CRACR2B: variants seen among roughly 807,000 people sequenced by gnomAD.
CRACR2B encodes the protein calcium release activated channel regulator 2B.
In CRACR2B, 50 loss-of-function variants were observed where a neutral mutation model predicts 46.0. The observed-to-expected ratio is 1.09, with a 90% CI of 0.87 to 1.38. The LOEUF (loss-of-function observed/expected upper bound fraction) is 1.38, where lower values mean the gene tolerates loss of function less well. CRACR2B is among the 40% of genes most tolerant of loss of function. The pLI is 0.00. For synonymous variants in CRACR2B, 277 were observed against 239.6 expected, an observed-to-expected ratio of 1.16 and a Z score of -1.44; for missense variants, 667 against 535.0, an observed-to-expected ratio of 1.25 and a Z score of -2.43.
Position 830,242 on chromosome 11 carries a change from C to T in CRACR2B, c.606-8C>T. The T allele has an allele frequency of 6.6e-7, 1 of 1,504,426 alleles. No homozygotes were observed. Among genetic ancestry groups the T allele is most frequent in the Non-Finnish European group, 8.9e-7 (1 of 1,124,118 alleles). The allele number at this position is 1,504,426 out of a possible 1,614,324, so 93.2% of individuals were successfully genotyped here. A position where few individuals can be genotyped will look rare whatever the true frequency, so the allele number is the denominator to read the frequency against. ...AGTTCTCATCCGGGGTCGCCCGGTC[C>T]CCCGAAGGCGCGAGAGCGAGCACGA... On this transcript the variant is annotated splice_polypyrimidine_tract_variant and splice_region_variant and intron_variant, in intron 4 of 8. Transcript: ENST00000525077.
At position 829,529 on chromosome 11, in the gene CRACR2B, G is replaced by C; in HGVS notation, c.447G>C (p.Pro149=). Residue 149 remains proline, a synonymous_variant, in exon 3 of 9, where the codon CCG becomes CCC. Transcript: ENST00000525077. ...TGCTGGAGCAGCTGGGGGTGGCCCC[G>C]GTCCTGGGCAAGTGAGTCGGCGCTG... ...HTVLEQLGVA[P]VLGKQRAVRT... 3 of 1,588,158 alleles carry C rather than the reference G, an allele frequency of 1.9e-6. No individual in the cohort carries two copies. Among genetic ancestry groups the C allele is most frequent in the Non-Finnish European group, 2.6e-6 (3 of 1,169,818 alleles).
rs1339082587 is a variant in CRACR2B, at chr11:830,086, G to C, written c.559G>C (p.Glu187Gln). 3.2e-6 allele frequency: 5 copies of C among 1,545,848 alleles called. No homozygotes were observed. Among genetic ancestry groups the C allele is most frequent in the Non-Finnish European group, 4.3e-6 (5 of 1,150,790 alleles). Residue 187 changes from glutamate to glutamine, a missense_variant, in exon 4 of 9, where the codon GAG becomes CAG. Coordinates refer to ENST00000525077, the MANE Select transcript of CRACR2B (RefSeq NM_001286606.2). Reference sequence around the variant, plus strand: ...TCTGATACGCGCGTCGGCCTGCCTGGAGGAGGCGGCCCGGGAGCGCGACGG... The same window carrying C: ...TCTGATACGCGCGTCGGCCTGCCTGCAGGAGGCGGCCCGGGAGCGCGACGG... ...DVLIRASACLEEAARERDGLE... is the reference protein window; with the variant it reads ...DVLIRASACLQEAARERDGLE...
rs768501860 is a variant in CRACR2B, at chr11:829,561, C to T, written c.458+21C>T. The T allele has an allele frequency of 2.6e-6, 4 of 1,539,640 alleles. No homozygotes were observed. In the Admixed American group the frequency reaches 8.8e-5, roughly 34 times the overall value. The stretch of plus-strand genomic sequence containing the variant: ...GGCAAGTGAGTCGGCGCTGGCCCCG[C>T]TCCCACTGCCCGCTCTGCTGTTTCT... On this transcript the variant is annotated intron_variant, in intron 3 of 8. Coordinates refer to ENST00000525077, the MANE Select transcript of CRACR2B (RefSeq NM_001286606.2).
chr11:828,635 G>T lies in CRACR2B; in HGVS notation c.28G>T (p.Asp10Tyr). Residue 10 changes from aspartate (D) to tyrosine (Y), a missense_variant, in exon 1 of 9, where the codon GAT becomes TAT. By Grantham distance (160) the Asp-to-Tyr change is radical. Transcript: ENST00000525077. MASPGKPGA[D>Y]EAQEEEGELE... ...GGCCAGCCCTGGAAAGCCTGGGGCT[G>T]ATGAGGCCCAGGAGGAGGAGGGGGA... The T allele has an allele frequency of 6.2e-7, 1 of 1,602,736 alleles. No homozygotes were observed.
At chr11:830,403 C>G in intron 5 of CRACR2B, 66 bp downstream of exon 5, 2 of 1,536,260 alleles carry the variant, frequency 1.3e-6, no homozygotes, top group African/African-American at 1.4e-5. Context: ...CTGGCTCCGC[C>G]TTCTCTGAAT....
At chr11:829,291 G>T in intron 2 of CRACR2B, 69 bp from the exon 3 acceptor site, 2 of 1,527,572 alleles carry the variant, frequency 1.3e-6, no homozygotes, top group Admixed American at 2.4e-5. Flanking sequence ...TACTCGTTGG[G>T]AGGGTGAACG....
At chr11:829,102 C>G (rs1259474963) in intron 2 of CRACR2B, 139 bp downstream of exon 2, 46 of 1,316,330 alleles carry the variant, frequency 3.5e-5, no homozygotes, top group Admixed American at 2.0e-5. Flanking sequence ...TGCACGCACT[C>G]GCGCCTGGGG....
At position 828,742 on chromosome 11, in the gene CRACR2B, T is replaced by C; in HGVS notation, c.135T>C (p.Ala45=). ...TGTTTCTGCTGTGTGACAAGGAGGCTAAGGGCTTCATCACCAAGCACGACC... is the reference window on the plus strand; with the variant it reads ...TGTTTCTGCTGTGTGACAAGGAGGCCAAGGGCTTCATCACCAAGCACGACC... ...EELFLLCDKE[A]KGFITKHDLQ... is the part of the protein sequence containing the mutation. The change falls in exon 1 of 9, where the codon GCT becomes GCC. Residue 45 remains alanine, a synonymous_variant. Transcript: ENST00000525077. 1.9e-6 allele frequency: 3 copies of C among 1,613,596 alleles called. No individual in the cohort carries two copies. The highest frequency in any genetic ancestry group is 2.5e-6 in the Non-Finnish European group (3 of 1,179,902).
At position 830,609 on chromosome 11, in the gene CRACR2B, C is replaced by G; in HGVS notation, c.694-12C>G. ...GGCCGGCGGAGGCTCAGTGGTCCTC[C>G]GTGCGTCCCAGAACTTCGCCCGCGG... is the stretch of plus-strand genomic sequence containing the variant. On this transcript the variant is annotated splice_polypyrimidine_tract_variant and intron_variant, in intron 5 of 8. Transcript: ENST00000525077. The G allele has an allele frequency of 6.5e-7, 1 of 1,549,280 alleles. No individual in the cohort carries two copies. The highest frequency in any genetic ancestry group is 2.4e-5 in the East Asian group (1 of 40,918).
At chr11:826,474 G>A (rs1314359938), upstream of CRACR2B, among the ~76,000 whole-genome samples, 2 of 152,244 alleles carry the variant, frequency 1.3e-5, no homozygotes, top group Admixed American at 6.5e-5. Context: ...TCCCCAGCTC[G>A]TTCACCCATA....
chr11:827,323 G>A (rs1202881241), upstream of CRACR2B: 2 of 153,244 alleles, frequency 1.3e-5, no homozygotes, highest in Non-Finnish European at 2.9e-5. Flanking sequence ...TCGCGGGTAG[G>A]CGACCGCTGG....
rs1446513193 is a variant in CRACR2B at position 830,099 on chromosome 11, G to T, written c.572G>T (p.Arg191Leu). Reference sequence around the variant, plus strand: ...TCGGCCTGCCTGGAGGAGGCGGCCCGGGAGCGCGACGGCCTGGAGCAGGCG... The same window carrying T: ...TCGGCCTGCCTGGAGGAGGCGGCCCTGGAGCGCGACGGCCTGGAGCAGGCG... ...RASACLEEAARERDGLEQALR... is the reference protein window; with the variant it reads ...RASACLEEAALERDGLEQALR... The change falls in exon 4 of 9, where the codon CGG becomes CTG. Residue 191 changes from arginine (R) to leucine (L), a missense_variant. Physicochemically the swap from Arg to Leu is moderately radical, Grantham distance 102. Coordinates refer to ENST00000525077, the MANE Select transcript of CRACR2B (RefSeq NM_001286606.2). The T allele has an allele frequency of 1.3e-6, 2 of 1,541,364 alleles. No homozygotes were observed. The highest frequency in any genetic ancestry group is 1.2e-5 in the South Asian group (1 of 84,566).
intron 6 of CRACR2B, 23 bp from the exon 7 acceptor site, chr11:830,843 G>A: frequency 2.0e-6 from 3 of 1,506,646 alleles, no homozygotes; most frequent in Non-Finnish European, 1.8e-6. Context: ...TTCCTCGCCG[G>A]TCTCCATCCT....
At chr11:830,752 G>A in intron 6 of CRACR2B, 39 bp downstream of exon 6, 3 of 1,500,082 alleles carry the variant, frequency 2.0e-6, no homozygotes, top group Non-Finnish European at 2.7e-6. Flanking sequence ...ACGGTCACCC[G>A]TGCACTCTCC....
rs35641024 is a variant in CRACR2B, at chr11:831,388, T to G, written c.1025+93T>G. ...ATTCTTGGCTGCCGCTCTACTCCAT[T>G]GGAAGTCCTTCCTTATGCCTGCCTT... On this transcript the variant is annotated intron_variant, in intron 8 of 8. Coordinates refer to ENST00000525077, the MANE Select transcript of CRACR2B (RefSeq NM_001286606.2). 2.5e-3 allele frequency: 3,765 copies of G among 1,504,920 alleles called. 61 individuals carry two copies. The African/African-American group carries it at 0.037, about 15-fold the overall frequency. The allele number at this position is 1,504,920 out of a possible 1,614,324, so 93.2% of individuals were successfully genotyped here.
At chr11:831,400 C>A in intron 8 of CRACR2B, 105 bp downstream of exon 8, 1 of 1,490,306 alleles carries the variant, frequency 6.7e-7, no homozygotes, top group Non-Finnish European at 9.0e-7. Context: ...GAAGTCCTTC[C>A]TTATGCCTGC....
Position 831,027 on chromosome 11 carries a change from C to A in CRACR2B, c.948C>A (p.Thr316=). ...AAGCACGAGGCCGCCAGGAGCAAAC[C>A]CAACGGTGCCGTGGGACGGGGCTGG... ...ESEARGRQEQ[T]QRDVVAVSRN... The change falls in exon 7 of 9, where the codon ACC becomes ACA. Residue 316 remains threonine, a synonymous_variant. Transcript: ENST00000525077. 1 of 1,534,808 alleles carries A rather than the reference C, an allele frequency of 6.5e-7. No homozygotes were observed. The highest frequency in any genetic ancestry group is 8.7e-7 in the Non-Finnish European group (1 of 1,146,562).
chr11:827,787 G>C (rs1205752925), upstream of CRACR2B: 1 of 152,808 alleles, frequency 6.5e-6, no homozygotes, highest in Non-Finnish European at 1.5e-5. Context: ...GGGTGTTGGT[G>C]GGGAGCAGCT....
At position 828,378 on chromosome 11, in the gene CRACR2B, G is replaced by A. The variant is rs1240129427; in HGVS notation, c.-230G>A. 1.3e-5 allele frequency: 7 copies of A among 540,292 alleles called. No homozygotes were observed. The highest frequency in any genetic ancestry group is 3.8e-5 in the Admixed American group (1 of 26,266). The allele number at this position is 540,292 out of a possible 1,614,324, so 33.5% of individuals were successfully genotyped here. A position where few individuals can be genotyped will look rare whatever the true frequency, so the allele number is the denominator to read the frequency against. On this transcript the variant is annotated 5_prime_UTR_variant, in exon 1 of 9. Coordinates refer to ENST00000525077, the MANE Select transcript of CRACR2B (RefSeq NM_001286606.2). ...CAGACCCACTGGGGCAGTACCCACA[G>A]GCCCTGAGCCTACATCAACCACCCC...
Sources: gnomAD v4.1 joint callset for allele counts (sites outside exome capture counted in the v4.1 genomes callset) on GRCh38, gnomAD v4.1.1 for gene constraint, MANE v1.5 for transcripts, NCBI Gene and HGNC (gene_info 2026-07-23, HGNC 2026-07-21) for gene names.